Variants in HTR4 observed in about 807,000 individuals in gnomAD.
HTR4 encodes 5-hydroxytryptamine (serotonin) receptor 4, G protein-coupled.
A neutral mutation model predicts 36.8 loss-of-function variants in HTR4; 16 were observed. The observed-to-expected ratio is 0.43, with a 90% CI of 0.29 to 0.66. The LOEUF is 0.66. HTR4 is among the 30% of genes least tolerant of loss of function. The pLI, the probability that HTR4 is intolerant of heterozygous loss-of-function variation, is 0.13. For synonymous variants in HTR4, 189 were observed against 185.1 expected, an observed-to-expected ratio of 1.02 and a Z score of -0.17; for missense variants, 438 against 490.9, an observed-to-expected ratio of 0.89 and a Z score of 1.02.
intron 6 of HTR4, among the ~76,000 whole-genome samples, chr5:148,505,457 T>C (rs1354133602): frequency 6.6e-6 from 1 of 152,154 alleles, no homozygotes. Flanking sequence ...CTTTGAAAAC[T>C]GGCACAAGAC....
Position 148,654,521 on chromosome 5 carries a change from C to T in HTR4, c.-507G>A. On this transcript the variant is annotated 5_prime_UTR_variant, in exon 1 of 7. Transcript: ENST00000377888. Reference sequence around the variant, plus strand: ...CGCGCCCTCCCTGGCCGGAGCGCTGCTCATCTGATGGAGGGCAGGAAGGAG... The same window carrying T: ...CGCGCCCTCCCTGGCCGGAGCGCTGTTCATCTGATGGAGGGCAGGAAGGAG... The T allele has an allele frequency of 1.0e-6, 1 of 984,596 alleles. No individual in the cohort carries two copies. Among genetic ancestry groups the T allele is most frequent in the Non-Finnish European group, 1.2e-6 (1 of 829,124 alleles). The allele number at this position is 984,596 out of a possible 1,614,324, so 61.0% of individuals were successfully genotyped here.
chr5:148,573,489 C>A (rs191656864), intron 2 of HTR4, among the ~76,000 whole-genome samples: 1 of 151,914 alleles, frequency 6.6e-6, no homozygotes, highest in Non-Finnish European at 1.5e-5. Flanking sequence ...GGAAATAGAA[C>A]GTGGGGGGTT....
At chr5:148,628,397 G>C (rs1299091164) in intron 2 of HTR4, 3 of 152,218 alleles carry the variant, frequency 2.0e-5, no homozygotes, top group African/African-American at 4.8e-5. Context: ...TTGGAGAAAT[G>C]TCTGAACCAT....
intron 5 of HTR4, among the ~76,000 whole-genome samples, chr5:148,517,934 T>C (rs1234342356): frequency 6.6e-6 from 1 of 151,368 alleles, no homozygotes; most frequent in African/African-American, 2.4e-5. Context: ...CTCCTATATA[T>C]TTTTTTTTAC....
intron 4 of HTR4, among the ~76,000 whole-genome samples, chr5:148,540,675 G>T (rs1759077875): frequency 6.6e-6 from 1 of 151,752 alleles, no homozygotes; most frequent in South Asian, 2.1e-4. Flanking sequence ...ACTGAGGTTT[G>T]AGAAAACAGA....
At chr5:148,576,119 A>AAAAAACAAAC (rs1554096997) in intron 2 of HTR4, among the ~76,000 whole-genome samples, 6 of 135,660 alleles carry the variant, frequency 4.4e-5, no homozygotes, top group African/African-American at 1.3e-4. Flanking sequence ...TCAAAAAAAA[A>AAAAAACAAAC]AAAAAAAAAA....
At chr5:148,500,101 G>T (rs1030030667) in intron 6 of HTR4, among the ~76,000 whole-genome samples, 14 of 152,158 alleles carry the variant, frequency 9.2e-5, no homozygotes, top group East Asian at 5.8e-4. Context: ...AATACAGGGG[G>T]TAAGTGTATA....
chr5:148,541,307 T>C (rs559796921), intron 4 of HTR4, among the ~76,000 whole-genome samples: 1 of 152,088 alleles, frequency 6.6e-6, no homozygotes, highest in South Asian at 2.1e-4. Context: ...CAACCACAAG[T>C]CACATCTCAG....
At chr5:148,495,792 A>T (rs1442618105) in intron 6 of HTR4, among the ~76,000 whole-genome samples, 10 of 152,188 alleles carry the variant, frequency 6.6e-5, no homozygotes, top group Admixed American at 6.5e-4. Context: ...GTTAAGTTAG[A>T]TAAAGTTATT....
chr5:148,511,595 T>C (rs541014117), intron 5 of HTR4, among the ~76,000 whole-genome samples: 2 of 151,608 alleles, frequency 1.3e-5, no homozygotes, highest in African/African-American at 4.9e-5. Context: ...TGCATAAAAC[T>C]GTTATGAATA....
At chr5:148,577,639 T>C (rs1760977129) in intron 2 of HTR4, among the ~76,000 whole-genome samples, 1 of 152,016 alleles carries the variant, frequency 6.6e-6, no homozygotes, top group South Asian at 2.1e-4. Context: ...ATGCAGCCTA[T>C]ATAAATAATA....
intron 2 of HTR4, among the ~76,000 whole-genome samples, chr5:148,565,537 G>T (rs1328805077): frequency 6.6e-6 from 1 of 152,140 alleles, no homozygotes; most frequent in Non-Finnish European, 1.5e-5. Flanking sequence ...GCAAGAATTT[G>T]GGAGGATTTG....
chr5:148,569,964 G>T (rs1401674017), intron 2 of HTR4, among the ~76,000 whole-genome samples: 2 of 152,074 alleles, frequency 1.3e-5, no homozygotes, highest in Non-Finnish European at 2.9e-5. Context: ...GAAGAATAAG[G>T]AAAGACTTTT....
intron 4 of HTR4, among the ~76,000 whole-genome samples, chr5:148,533,372 CT>C (rs1758665992): frequency 6.6e-6 from 1 of 152,188 alleles, no homozygotes; most frequent in Non-Finnish European, 1.5e-5. Context: ...TTAAAATCTG[CT>C]TTTGTAGACC....
At chr5:148,575,093 CT>C (rs1395066963) in intron 2 of HTR4, among the ~76,000 whole-genome samples, 1 of 151,992 alleles carries the variant, frequency 6.6e-6, no homozygotes, top group African/African-American at 2.4e-5. Flanking sequence ...GGTACATCTC[CT>C]TTTTACTTTC....
intron 2 of HTR4, among the ~76,000 whole-genome samples, chr5:148,594,633 T>C (rs1368478090): frequency 1.3e-5 from 2 of 152,112 alleles, no homozygotes; most frequent in Non-Finnish European, 2.9e-5. Flanking sequence ...TTCCTTCTCC[T>C]ATCTACCCGC....
intron 6 of HTR4, among the ~76,000 whole-genome samples, chr5:148,487,835 C>T (rs1581368133): frequency 6.6e-6 from 1 of 152,252 alleles, no homozygotes; most frequent in Admixed American, 6.5e-5. Context: ...ATAGAAGTCC[C>T]TGCTCCCAAA....
chr5:148,480,555 C>T (rs1755842459), downstream of HTR4, among the ~76,000 whole-genome samples: 1 of 152,114 alleles, frequency 6.6e-6, no homozygotes. Flanking sequence ...ATTTTTGTAG[C>T]TTTAGTAGAG....
chr5:148,484,423 G>C, intron 6 of HTR4: 2 of 1,573,700 alleles, frequency 1.3e-6, no homozygotes, highest in Non-Finnish European at 1.7e-6. Flanking sequence ...TTATACAACA[G>C]TGAATCTTAC....
Sources: allele counts gnomAD v4.1 joint callset (sites outside exome capture counted in the v4.1 genomes callset), GRCh38; gene constraint gnomAD v4.1.1; transcripts MANE v1.5; gene names NCBI Gene and HGNC (gene_info 2026-07-23, HGNC 2026-07-21).